The following NCOA6 variants were observed in gnomAD, a reference collection of about 807,000 sequenced individuals.
NCOA6 encodes nuclear receptor coactivator 6.
In NCOA6, 49 loss-of-function variants were observed where a neutral mutation model predicts 171.4. The ratio of observed to expected loss-of-function variants is 0.29; its 90% CI spans 0.23 to 0.36. NCOA6 has a LOEUF of 0.36. Among genes scored for constraint, NCOA6 ranks in the 10% least tolerant of loss-of-function variants. NCOA6 has a pLI of 1.00. For synonymous variants in NCOA6, 910 were observed against 927.5 expected, an observed-to-expected ratio of 0.98 and a Z score of 0.34; for missense variants, 2,248 against 2,554.5, an observed-to-expected ratio of 0.88 and a Z score of 2.59.
Position 34,782,341 on chromosome 20 carries a change from G to C in NCOA6, c.15C>G (p.Asp5Glu). The change falls in exon 3 of 15, where the codon GAC becomes GAG. Residue 5 changes from aspartate (D) to glutamate (E), a missense_variant. Asp to Glu is a conservative substitution (Grantham distance 45, BLOSUM62 2). Coordinates refer to ENST00000359003, the MANE Select transcript of NCOA6 (RefSeq NM_014071.5). ...TATAGATGTCTTCTAAGTTTGGAAG[G>C]TCATCCAAAACCATGGTGAATATTA... MVLDDLPNLEDIYTS... is the reference protein window; with the variant it reads MVLDELPNLEDIYTS... 6.3e-7 allele frequency: 1 copy of C among 1,597,890 alleles called. No homozygotes were observed. The highest frequency in any genetic ancestry group is 8.5e-7 in the Non-Finnish European group (1 of 1,170,720).
intron 8 of NCOA6, 133 bp downstream of exon 8, chr20:34,754,589 G>T (rs750491392): frequency 2.7e-6 from 3 of 1,102,246 alleles, no homozygotes; most frequent in Non-Finnish European, 3.8e-6. Context: ...TGCCCTGAAA[G>T]AATAATTATT....
intron 13 of NCOA6, 83 bp from the exon 14 acceptor site, chr20:34,727,490 GTAAAGTAGGAGACTAAGAACT>G: frequency 7.0e-7 from 1 of 1,438,156 alleles, no homozygotes; most frequent in Non-Finnish European, 9.6e-7. Context: ...AGTTTCATTC[GTAAAGTAGGAGACTAAGAACT>G]ATATAGTTAT....
chr20:34,782,467 T>C (rs2077538924), intron 2 of NCOA6, 63 bp from the exon 3 acceptor site: 1 of 403,102 alleles, frequency 2.5e-6, no homozygotes, highest in Non-Finnish European at 4.3e-6. Context: ...AATGTATAAT[T>C]CATAGTTCTA....
In NCOA6 at chr20:34,806,228, A is replaced by AT. The variant is rs200841035; in HGVS notation, c.-163-13666dup. ...TTACATTTTCTTTGGAGAAATGTCTATTCAGATCAAGTACCCAATTTTTAA... is the reference window on the plus strand; with the variant it reads ...TTACATTTTCTTTGGAGAAATGTCTATTTCAGATCAAGTACCCAATTTTTAA... On this transcript the variant is annotated intron_variant, in intron 1 of 14. Coordinates refer to ENST00000359003, the MANE Select transcript of NCOA6 (RefSeq NM_014071.5). 7.3e-3 allele frequency among the ~76,000 whole-genome samples: 1,117 copies of AT among 152,306 alleles called. 14 individuals carry two copies. The highest frequency in any genetic ancestry group is 0.024 in the African/African-American group (1,016 of 41,566).
chr20:34,742,267 C>T lies in NCOA6; in HGVS notation c.3989G>A (p.Arg1330His), dbSNP rs373167041. 5.0e-6 allele frequency: 8 copies of T among 1,614,164 alleles called. No individual in the cohort carries two copies. The highest frequency in any genetic ancestry group is 2.7e-5 in the African/African-American group (2 of 75,034). ...ATKRASPSNSRRSSPGSSRKT... is the reference protein window; with the variant it reads ...ATKRASPSNSHRSSPGSSRKT... ...CCTACTGGACCCAGGACTAGACCTG[C>T]GACTGTTGCTTGGACTTGCCCGTTT... The change falls in exon 11 of 15, where the codon CGC becomes CAC. Residue 1330 changes from arginine (R) to histidine (H), a missense_variant. Physicochemically the swap from Arg to His is conservative, Grantham distance 29. Transcript: ENST00000359003.
chr20:34,760,964 T>TA (rs11383360), intron 5 of NCOA6, among the ~76,000 whole-genome samples: 6,220 of 152,182 alleles, frequency 0.041, 425 homozygotes, highest in African/African-American at 0.14. Context: ...CTGACACCTG[T>TA]AATCCCAGCA....
chr20:34,757,501 G>T lies in NCOA6; in HGVS notation c.1247C>A (p.Thr416Asn), dbSNP rs2076675664. The change falls in exon 7 of 15, where the codon ACT becomes AAT. Residue 416 changes from threonine (T) to asparagine (N), a missense_variant. Transcript: ENST00000359003. Reference sequence around the variant, plus strand: ...GGTGAGGTGGGGCTGCTGCAAGGGAGTTGGGACCCTAGAGGGCCCTCCCTG... The same window carrying T: ...GGTGAGGTGGGGCTGCTGCAAGGGATTTGGGACCCTAGAGGGCCCTCCCTG... ...SLQGGPSRVP[T>N]PLQQPHLTNK... The T allele has an allele frequency of 1.2e-6, 2 of 1,613,948 alleles. No individual in the cohort carries two copies. Among genetic ancestry groups the T allele is most frequent in the Non-Finnish European group, 1.7e-6 (2 of 1,179,906 alleles).
At position 34,768,583 on chromosome 20, in the gene NCOA6, T is replaced by A; in HGVS notation, c.395A>T (p.Glu132Val). The A allele has an allele frequency of 6.2e-7, 1 of 1,611,944 alleles. No individual in the cohort carries two copies. Among genetic ancestry groups the A allele is most frequent in the Middle Eastern group, 1.7e-4 (1 of 6,054 alleles). ...AGCCAAAGCCAGGTTAATAGCACCT[T>A]CCCCTGAAAATGAGTCAAGTGATAA... Reference protein sequence around the residue: ...LGILSVQIEGEGAINLALAQN... With the variant: ...LGILSVQIEGVGAINLALAQN... Residue 132 changes from glutamate to valine, a missense_variant, in exon 5 of 15, where the codon GAA (glutamate) becomes GTA (valine). Transcript: ENST00000359003.
chr20:34,749,982 G>A lies in NCOA6; in HGVS notation c.2213C>T (p.Pro738Leu), dbSNP rs561915690. Residue 738 changes from proline (P) to leucine (L), a missense_variant, in exon 9 of 15, where the codon CCG becomes CTG. Transcript: ENST00000359003. ...FNTQNQSNVM[P>L]GPAQIMRGPT... The stretch of plus-strand genomic sequence containing the variant: ...TCCCCTCATTATCTGGGCTGGTCCC[G>A]GCATGACATTGGACTGGTTCTGAGT... The A allele has an allele frequency of 7.0e-5, 113 of 1,614,190 alleles. 3 individuals carry two copies. The highest frequency in any genetic ancestry group is 6.6e-4 in the South Asian group (60 of 91,090).
rs144253033 is a variant in NCOA6 at position 34,795,291 on chromosome 20, A to G, written c.-163-2728T>C. Among the ~76,000 whole-genome samples the G allele has an allele frequency of 1.4e-3, 215 of 152,366 alleles. 1 individual carries two copies. Among genetic ancestry groups the G allele is most frequent in the African/African-American group, 5.0e-3 (206 of 41,588 alleles). On this transcript the variant is annotated intron_variant, in intron 1 of 14. Transcript: ENST00000359003. ...TTGCAAAGGGGAAAAACTGAGTACC[A>G]TTATAATGGGAAGATGTGACAGTCA...
At chr20:34,794,085 A>G (rs2146357470) in intron 1 of NCOA6, among the ~76,000 whole-genome samples, 1 of 152,354 alleles carries the variant, frequency 6.6e-6, no homozygotes, top group South Asian at 2.1e-4. Flanking sequence ...TGCTGGCGGT[A>G]GTGCAAATTG....
At chr20:34,775,958 T>C (rs1241393821) in intron 4 of NCOA6, among the ~76,000 whole-genome samples, 1 of 151,988 alleles carries the variant, frequency 6.6e-6, no homozygotes, top group Non-Finnish European at 1.5e-5. Context: ...ATAACAACAA[T>C]AACAAAGAAA....
intron 5 of NCOA6, among the ~76,000 whole-genome samples, chr20:34,761,564 G>T (rs566631460): frequency 6.6e-6 from 1 of 151,724 alleles, no homozygotes; most frequent in South Asian, 2.1e-4. Context: ...TTACTGAAAC[G>T]TGCTCTTGGA....
At chr20:34,744,780 G>C (rs2076254067) in intron 10 of NCOA6, among the ~76,000 whole-genome samples, 1 of 152,140 alleles carries the variant, frequency 6.6e-6, no homozygotes, top group Non-Finnish European at 1.5e-5. Context: ...CAAATACAGT[G>C]GGTTCCTATT....
intron 1 of NCOA6, among the ~76,000 whole-genome samples, chr20:34,803,753 T>C (rs141653833): frequency 1.4e-3 from 211 of 152,190 alleles, no homozygotes; most frequent in African/African-American, 4.4e-3. Flanking sequence ...CCCAGCACTT[T>C]AGGAGGCTGA....
At chr20:34,821,411 GTAGGACACTTCCCA>G (rs967055205) in intron 1 of NCOA6, 4 of 152,114 alleles carry the variant, frequency 2.6e-5, no homozygotes, top group African/African-American at 9.7e-5. Context: ...TACACTATAG[GTAGGACACTTCCCA>G]TGTTTTCCCC....
At chr20:34,772,914 G>GA (rs1351730545) in intron 4 of NCOA6, among the ~76,000 whole-genome samples, 1 of 151,798 alleles carries the variant, frequency 6.6e-6, no homozygotes, top group African/African-American at 2.4e-5. Flanking sequence ...TCTTACCTAA[G>GA]AAAAAAAATC....
rs1230916013 is a variant in NCOA6 at position 34,787,308 on chromosome 20, G to A, written c.-49-4904C>T. ...GGAGGCTGAGGTTGGAGGATCATTT[G>A]AGCCCAGGATTTTGAGACCACTCCT... On this transcript the variant is annotated intron_variant, in intron 2 of 14. Transcript: ENST00000359003. 2.0e-5 allele frequency among the ~76,000 whole-genome samples: 3 copies of A among 151,890 alleles called. No homozygotes were observed. In the East Asian group the frequency reaches 5.8e-4, roughly 29 times the overall value.
At chr20:34,717,576 T>G (rs1342299319) in intron 14 of NCOA6, among the ~76,000 whole-genome samples, 2 of 151,426 alleles carry the variant, frequency 1.3e-5, no homozygotes, top group Non-Finnish European at 3.0e-5. Context: ...AAAGGTCATG[T>G]TTTTTTTTGT....
Sources: gnomAD v4.1 joint callset for allele counts (sites outside exome capture counted in the v4.1 genomes callset) on GRCh38, gnomAD v4.1.1 for gene constraint, MANE v1.5 for transcripts, NCBI Gene and HGNC (gene_info 2026-07-23, HGNC 2026-07-21) for gene names.